The following CPED1 variants were observed in gnomAD, a reference collection of about 807,000 sequenced individuals.
The protein encoded by CPED1 is cadherin like and PC-esterase domain containing 1, also known as cadherin-like and PC-esterase domain-containing protein 1.
Under a neutral mutation model 128.2 loss-of-function variants are expected in CPED1, and 114 were observed. That is an observed-to-expected ratio of 0.89 (90% CI 0.76 to 1.04). CPED1 has a LOEUF of 1.04. Among genes scored for constraint, CPED1 ranks in the 50% least tolerant of loss-of-function variants. The pLI is 0.00. For missense variants in CPED1, 1,211 were observed against 1,207.1 expected (o/e 1.00, Z -0.05); for synonymous variants, 462 against 426.7 (o/e 1.08, Z -1.02).
chr7:121,253,699 A>C (rs1057268497), intron 18 of CPED1, among the ~76,000 whole-genome samples: 8 of 152,110 alleles, frequency 5.3e-5, no homozygotes, highest in Non-Finnish European at 1.2e-4. Context: ...TGATGTAAGA[A>C]CACCCACAAG....
At chr7:121,057,363 G>A (rs904311968) in intron 4 of CPED1, among the ~76,000 whole-genome samples, 8 of 152,132 alleles carry the variant, frequency 5.3e-5, no homozygotes, top group Admixed American at 1.3e-4. Context: ...GTATAATGCT[G>A]AGGTTTGGGG....
At chr7:121,032,570 G>GGAGA (rs1732868927) in intron 3 of CPED1, among the ~76,000 whole-genome samples, 1 of 151,416 alleles carries the variant, frequency 6.6e-6, no homozygotes. Context: ...GGAAGGGGAG[G>GGAGA]GAGAGCATTA....
At chr7:121,087,370 A>G (rs1020182384) in intron 5 of CPED1, among the ~76,000 whole-genome samples, 2 of 152,154 alleles carry the variant, frequency 1.3e-5, no homozygotes, top group Admixed American at 6.6e-5. Flanking sequence ...CAACAAACTG[A>G]TATAGATTAA....
chr7:120,994,243 A>C (rs1402931754), intron 2 of CPED1, among the ~76,000 whole-genome samples: 11 of 152,122 alleles, frequency 7.2e-5, no homozygotes, highest in Non-Finnish European at 1.3e-4. Context: ...AAATGTTGTA[A>C]TTATCTCACT....
intron 2 of CPED1, among the ~76,000 whole-genome samples, chr7:120,996,933 A>G (rs1216663834): frequency 2.0e-5 from 3 of 152,196 alleles, no homozygotes; most frequent in Non-Finnish European, 4.4e-5. Flanking sequence ...ATTGAGTAGA[A>G]ACCACACTGA....
chr7:121,121,192 C>A (rs1795379497), intron 7 of CPED1, among the ~76,000 whole-genome samples: 1 of 152,034 alleles, frequency 6.6e-6, no homozygotes, highest in African/African-American at 2.4e-5. Context: ...AACAAGGACA[C>A]CTTGGGAAAG....
chr7:121,149,750 A>AG (rs1796109523), intron 16 of CPED1: 2 of 3,110 alleles, frequency 6.4e-4, no homozygotes, highest in Non-Finnish European at 9.1e-3. Flanking sequence ...AATAGAAAGG[A>AG]ACCTGAGAGG....
At chr7:121,063,358 T>C (rs1180174445) in intron 4 of CPED1, among the ~76,000 whole-genome samples, 1 of 145,358 alleles carries the variant, frequency 6.9e-6, no homozygotes, top group Non-Finnish European at 1.5e-5. Flanking sequence ...CTCTAAATGC[T>C]TTATTTTGCA....
intron 12 of CPED1, among the ~76,000 whole-genome samples, chr7:121,131,483 T>A (rs944631123): frequency 6.6e-6 from 1 of 151,616 alleles, no homozygotes; most frequent in Non-Finnish European, 1.5e-5. Flanking sequence ...CACAGGAAGC[T>A]GTTTCAAAGT....
chr7:121,245,044 T>A (rs1371738366), intron 18 of CPED1, among the ~76,000 whole-genome samples: 1 of 152,196 alleles, frequency 6.6e-6, no homozygotes. Context: ...CAAAGTGCTT[T>A]TTATTAGATG....
intron 16 of CPED1, among the ~76,000 whole-genome samples, chr7:121,230,562 T>G (rs1449575344): frequency 6.6e-6 from 1 of 152,008 alleles, no homozygotes; most frequent in Non-Finnish European, 1.5e-5. Flanking sequence ...TCAGCACAGA[T>G]CAAAATGGTT....
At chr7:121,148,989 T>G (rs772026654) in intron 16 of CPED1, among the ~76,000 whole-genome samples, 2 of 152,198 alleles carry the variant, frequency 1.3e-5, no homozygotes, top group Non-Finnish European at 1.5e-5. Context: ...CTCTTCTGTT[T>G]CACGGTAAGA....
chr7:121,188,030 G>A (rs1797043112), intron 16 of CPED1, among the ~76,000 whole-genome samples: 1 of 152,036 alleles, frequency 6.6e-6, no homozygotes, highest in Non-Finnish European at 1.5e-5. Context: ...TTTAAACACT[G>A]GATACTTGCT....
intron 4 of CPED1, among the ~76,000 whole-genome samples, chr7:121,052,314 T>C (rs929460604): frequency 1.3e-5 from 2 of 152,226 alleles, no homozygotes; most frequent in Non-Finnish European, 2.9e-5. Flanking sequence ...TTCTTCACTT[T>C]GTTTCCTGAG....
chr7:121,201,088 A>G (rs1256649990), intron 16 of CPED1, among the ~76,000 whole-genome samples: 1 of 152,192 alleles, frequency 6.6e-6, no homozygotes, highest in Non-Finnish European at 1.5e-5. Context: ...TTTTGAGAAA[A>G]TCGGATCTGA....
chr7:121,013,557 G>A (rs750833180), intron 2 of CPED1, among the ~76,000 whole-genome samples: 3 of 152,074 alleles, frequency 2.0e-5, no homozygotes, highest in Non-Finnish European at 4.4e-5. Flanking sequence ...ACCTCATAGC[G>A]CCTCCTACAT....
chr7:121,256,142 C>A (rs59803439), intron 18 of CPED1, among the ~76,000 whole-genome samples: 2,933 of 67,800 alleles, frequency 0.043, 111 homozygotes, highest in African/African-American at 0.12. Flanking sequence ...AAAAAAAAAA[C>A]AAAGCTTATG....
intron 5 of CPED1, among the ~76,000 whole-genome samples, chr7:121,089,950 C>T (rs1002158811): frequency 1.3e-5 from 2 of 152,166 alleles, no homozygotes; most frequent in Non-Finnish European, 2.9e-5. Flanking sequence ...ATAAAACAAT[C>T]TTTCATGCTG....
Position 121,142,157 on chromosome 7 carries a change from A to G in CPED1, c.2055+16A>G. 1 of 1,578,158 alleles carries G rather than the reference A, an allele frequency of 6.3e-7. No individual in the cohort carries two copies. The highest frequency in any genetic ancestry group is 1.1e-5 in the South Asian group (1 of 86,978). ...TTTTGTGCAGGTAAGTGAAGTTTAC[A>G]TTTGCACTTGGGTTGAATTGGGAAT... On this transcript the variant is annotated intron_variant, in intron 16 of 22. Transcript: ENST00000310396.
Sources: gnomAD v4.1 joint callset for allele counts (sites outside exome capture counted in the v4.1 genomes callset) on GRCh38, gnomAD v4.1.1 for gene constraint, MANE v1.5 for transcripts, NCBI Gene and HGNC (gene_info 2026-07-23, HGNC 2026-07-21) for gene names.